PKP2: variants seen among roughly 807,000 people sequenced by gnomAD.
The protein encoded by PKP2 is plakophilin 2.
A neutral mutation model predicts 83.4 loss-of-function variants in PKP2; 73 were observed. That is an observed-to-expected ratio of 0.88 (90% CI 0.72 to 1.06). The LOEUF (loss-of-function observed/expected upper bound fraction) is 1.06, where lower values mean the gene tolerates loss of function less well. PKP2 is among the 50% of genes least tolerant of loss of function. The probability of loss-of-function intolerance (pLI) is 0.00; values close to 1 mark genes in which losing one functional copy is unlikely to be tolerated. For synonymous variants in PKP2, 409 were observed against 430.4 expected (o/e 0.95, Z 0.62); for missense variants, 966 against 1,065.4 (o/e 0.91, Z 1.30).
chr12:32,887,936 T>C (rs1315653984), intron 1 of PKP2, among the ~76,000 whole-genome samples: 1 of 152,150 alleles, frequency 6.6e-6, no homozygotes, highest in East Asian at 1.9e-4. Flanking sequence ...TCCCAGCACT[T>C]TGGGAGGTCA....
At chr12:32,839,374 C>CTTTTT (rs758561343) in intron 6 of PKP2, among the ~76,000 whole-genome samples, 1 of 130,222 alleles carries the variant, frequency 7.7e-6, no homozygotes. Flanking sequence ...AAGATGTGCA[C>CTTTTT]TTTTTTTTTT....
At chr12:32,814,988 A>G (rs1956307526) in intron 9 of PKP2, among the ~76,000 whole-genome samples, 1 of 151,932 alleles carries the variant, frequency 6.6e-6, no homozygotes, top group South Asian at 2.1e-4. Flanking sequence ...TCTCTCACCC[A>G]TCAAAACTGC....
intron 9 of PKP2, among the ~76,000 whole-genome samples, chr12:32,804,669 T>A (rs1956212596): frequency 6.6e-6 from 1 of 152,230 alleles, no homozygotes. Context: ...CCATGGTGTG[T>A]ATGTATGACA....
intron 4 of PKP2, among the ~76,000 whole-genome samples, chr12:32,855,006 T>C (rs1397777875): frequency 6.6e-6 from 1 of 152,220 alleles, no homozygotes; most frequent in Non-Finnish European, 1.5e-5. Context: ...CTCTATGAAA[T>C]GTCACTCCTT....
intron 6 of PKP2, among the ~76,000 whole-genome samples, chr12:32,833,894 G>T (rs550891557): frequency 6.6e-6 from 1 of 152,282 alleles, no homozygotes; most frequent in African/African-American, 2.4e-5. Flanking sequence ...TTATAAGCCT[G>T]TCTCGTAAGT....
chr12:32,871,535 G>A (rs141234553), intron 3 of PKP2, among the ~76,000 whole-genome samples: 415 of 151,702 alleles, frequency 2.7e-3, no homozygotes, highest in African/African-American at 9.3e-3. Context: ...GCACGATCTC[G>A]GCTCACTGCA....
In PKP2 at chr12:32,796,169, G is replaced by A; in HGVS notation, c.2297C>T (p.Ala766Val). 1 of 1,614,076 alleles carries A rather than the reference G, an allele frequency of 6.2e-7. No homozygotes were observed. Among genetic ancestry groups the A allele is most frequent in the East Asian group, 2.2e-5 (1 of 44,872 alleles). Residue 766 changes from alanine to valine, a missense_variant, in exon 11 of 13, where the codon GCA (alanine) becomes GTA (valine). Transcript: ENST00000340811. ...NNIIQNSYQN[A>V]RDLLNTGGIQ... is the part of the protein sequence containing the mutation. ...GCCCCCGGTGTTTAGAAGGTCGCGT[G>A]CATTCTGGTAACTGTTTTGGATTAT...
intron 5 of PKP2, chr12:32,843,034 T>TGCC (rs1956611208): frequency 3.0e-6 from 1 of 337,496 alleles, no homozygotes; most frequent in Non-Finnish European, 5.8e-6. Context: ...GGCTGGAGTG[T>TGCC]AGTGGCACAA....
intron 10 of PKP2, among the ~76,000 whole-genome samples, chr12:32,800,278 T>A (rs1956167857): frequency 6.6e-6 from 1 of 152,250 alleles, no homozygotes; most frequent in African/African-American, 2.4e-5. Flanking sequence ...CAACTTCAGA[T>A]GAGGCTGTGG....
At chr12:32,792,786 C>A (rs1026103539) in intron 11 of PKP2, 55 bp from the exon 12 acceptor site, 1 of 1,418,376 alleles carries the variant, frequency 7.1e-7, no homozygotes, top group Non-Finnish European at 1.0e-6. Context: ...CTTCTGGATG[C>A]GGCCTGTGGG....
In PKP2 at chr12:32,824,047, TG is replaced by T. The variant is rs794729129; in HGVS notation, c.1671del (p.Asp557GlufsTer55). 1.3e-6 allele frequency: 2 copies of T among 1,536,428 alleles called. No homozygotes were observed. Among genetic ancestry groups the T allele is most frequent in the Non-Finnish European group, 1.8e-6 (2 of 1,109,958 alleles). On this transcript the variant is annotated frameshift_variant, in exon 7 of 13. Transcript: ENST00000340811. LOFTEE classifies it high-confidence loss of function. The part of the protein sequence containing the change: ...RGTIADYQPD[D>X]KATENCVCIL... ...AGGATATTTATCTCTTGAATTACCT[TG>T]TCATCTGGCTGGTAATCTGCAATGG...
chr12:32,895,973 G>A (rs2138008054), intron 1 of PKP2, among the ~76,000 whole-genome samples: 1 of 152,334 alleles, frequency 6.6e-6, no homozygotes, highest in Admixed American at 6.5e-5. Flanking sequence ...CCCACACAGG[G>A]TGGAGCGCCC....
At chr12:32,862,510 T>C (rs1430197260) in intron 4 of PKP2, among the ~76,000 whole-genome samples, 1 of 152,072 alleles carries the variant, frequency 6.6e-6, no homozygotes. Flanking sequence ...CCGGGCATGG[T>C]GGCGCATGCC....
In PKP2 at chr12:32,792,476, G is replaced by A. The variant is rs878877243; in HGVS notation, c.2462C>T (p.Thr821Ile). 6.2e-7 allele frequency: 1 copy of A among 1,613,622 alleles called. No homozygotes were observed. Among genetic ancestry groups the A allele is most frequent in the African/African-American group, 1.3e-5 (1 of 74,892 alleles). The change falls in exon 13 of 13, where the codon ACA (threonine) becomes ATA (isoleucine). Residue 821 changes from threonine (T) to isoleucine (I), a missense_variant. Thr to Ile is a moderately conservative substitution (Grantham distance 89). Coordinates refer to ENST00000340811, the MANE Select transcript of PKP2 (RefSeq NM_001005242.3). ...GGCAGTCCGGCTGTTGACAAAATCT[G>A]TCTTCTTAAACTGAGCCTTTGGAAT... ...HAYKKAQFKKTDFVNSRTAKA... is the reference protein window; with the variant it reads ...HAYKKAQFKKIDFVNSRTAKA...
rs12314796 is a variant in PKP2, at chr12:32,791,153, C to T, written c.*1271G>A. 1.3e-5 allele frequency: 2 copies of T among 151,992 alleles called. No homozygotes were observed. Among genetic ancestry groups the T allele is most frequent in the East Asian group, 3.8e-4 (2 of 5,196 alleles). The allele number at this position is 151,992 out of a possible 1,614,324, so 9.4% of individuals were successfully genotyped here. ...AGAATAGTAGTTGTAAAGACTAACTCTATATGAATGGTTTTAATCATAGCG... is the reference window on the plus strand; with the variant it reads ...AGAATAGTAGTTGTAAAGACTAACTTTATATGAATGGTTTTAATCATAGCG... On this transcript the variant is annotated 3_prime_UTR_variant, in exon 13 of 13. Coordinates refer to ENST00000340811, the MANE Select transcript of PKP2 (RefSeq NM_001005242.3).
At chr12:32,819,299 AATACAATACAATAC>A (rs1956351833) in intron 9 of PKP2, among the ~76,000 whole-genome samples, 2 of 22,116 alleles carry the variant, frequency 9.0e-5, no homozygotes, top group Non-Finnish European at 3.4e-4. Context: ...AATACAATAC[AATACAATACAATAC>A]AATAAAATAA....
chr12:32,796,402 A>C, intron 10 of PKP2, 104 bp from the exon 11 acceptor site: 1 of 1,075,190 alleles, frequency 9.3e-7, no homozygotes, highest in Non-Finnish European at 1.4e-6. Flanking sequence ...TCTTTTTTTG[A>C]GACGGAATCT....
At position 32,855,954 on chromosome 12, in the gene PKP2, G is replaced by A. The variant is rs564222515; in HGVS notation, c.1171-4981C>T. On this transcript the variant is annotated intron_variant, in intron 4 of 12. Coordinates refer to ENST00000340811, the MANE Select transcript of PKP2 (RefSeq NM_001005242.3). The stretch of plus-strand genomic sequence containing the variant: ...CTGTATTTATTTCGATTTAAAAATC[G>A]AAATAAAAATTTTTTTTTGTGGGGA... Among the ~76,000 whole-genome samples, 34 of 151,920 alleles carry A rather than the reference G, an allele frequency of 2.2e-4. No homozygotes were observed. The East Asian group carries it at 5.8e-3, about 26-fold the overall frequency.
intron 9 of PKP2, among the ~76,000 whole-genome samples, chr12:32,818,149 T>G (rs1359885359): frequency 1.3e-5 from 2 of 152,224 alleles, no homozygotes; most frequent in Non-Finnish European, 2.9e-5. Flanking sequence ...CCGATCGATA[T>G]TAAATAAAGG....
Sources: allele counts gnomAD v4.1 joint callset (sites outside exome capture counted in the v4.1 genomes callset), GRCh38; gene constraint gnomAD v4.1.1; transcripts MANE v1.5; gene names NCBI Gene and HGNC (gene_info 2026-07-23, HGNC 2026-07-21).